COL13A1: variants seen among roughly 807,000 people sequenced by gnomAD.
COL13A1 encodes collagen alpha-1(XIII) chain.
A neutral mutation model predicts 130.9 loss-of-function variants in COL13A1; 89 were observed. The observed-to-expected ratio is 0.68, with a 90% CI of 0.57 to 0.81. The LOEUF (loss-of-function observed/expected upper bound fraction) is 0.81, where lower values mean the gene tolerates loss of function less well. COL13A1 is among the 30% of genes least tolerant of loss of function. The pLI is 0.00. For synonymous variants in COL13A1, 402 were observed against 341.6 expected, an observed-to-expected ratio of 1.18 and a Z score of -1.95; for missense variants, 879 against 934.6, an observed-to-expected ratio of 0.94 and a Z score of 0.78.
At chr10:69,827,370 T>A (rs1282331218) in intron 2 of COL13A1, among the ~76,000 whole-genome samples, 2 of 152,204 alleles carry the variant, frequency 1.3e-5, no homozygotes, top group Non-Finnish European at 2.9e-5. Flanking sequence ...GGGGCTGTGC[T>A]GAGTCAGCTT....
At chr10:69,918,034 G>C (rs991901225) in intron 18 of COL13A1, among the ~76,000 whole-genome samples, 6 of 151,918 alleles carry the variant, frequency 3.9e-5, no homozygotes, top group Non-Finnish European at 8.8e-5. Flanking sequence ...GAGGCCAGGA[G>C]CCATGCAGGT....
chr10:69,829,698 T>C (rs541408098), intron 2 of COL13A1, among the ~76,000 whole-genome samples: 1 of 152,320 alleles, frequency 6.6e-6, no homozygotes, highest in South Asian at 2.1e-4. Flanking sequence ...CCCACAGCCA[T>C]AGCTCTCTAT....
At chr10:69,921,573 T>C (rs2064678383) in intron 21 of COL13A1, among the ~76,000 whole-genome samples, 2 of 152,238 alleles carry the variant, frequency 1.3e-5, no homozygotes, top group Admixed American at 6.5e-5. Context: ...CAGGATGGAC[T>C]AGATGCTTCT....
intron 7 of COL13A1, among the ~76,000 whole-genome samples, chr10:69,884,293 G>A (rs1476583073): frequency 6.6e-6 from 1 of 152,186 alleles, no homozygotes; most frequent in Non-Finnish European, 1.5e-5. Flanking sequence ...TATGGTGGGT[G>A]TATTTATACC....
Position 69,827,908 on chromosome 10 carries a change from GC to G in COL13A1, c.364+5474del, listed in dbSNP as rs145392309. On this transcript the variant is annotated intron_variant, in intron 2 of 40. Transcript: ENST00000645393. ...TGTGCTGCAGCAGCGCAGACCCCGA[GC>G]CCCGCTTCTTTGTGGTCCTTCTTAT... is the stretch of plus-strand genomic sequence containing the variant. Among the ~76,000 whole-genome samples, 872 of 152,188 alleles carry G rather than the reference GC, an allele frequency of 5.7e-3. 5 individuals are homozygous for G. Among genetic ancestry groups the G allele is most frequent in the African/African-American group, 0.02 (838 of 41,512 alleles).
chr10:69,810,745 T>C (rs1842829690), intron 1 of COL13A1, among the ~76,000 whole-genome samples: 1 of 151,832 alleles, frequency 6.6e-6, no homozygotes, highest in South Asian at 2.1e-4. Flanking sequence ...GAGACTAGGG[T>C]GGATGGGGTC....
chr10:69,855,404 C>G (rs1856128270), intron 2 of COL13A1, among the ~76,000 whole-genome samples: 1 of 152,148 alleles, frequency 6.6e-6, no homozygotes, highest in Non-Finnish European at 1.5e-5. Context: ...CATTGAGAGA[C>G]AGGGACAAAA....
chr10:69,902,127 C>G (rs1482455146), intron 14 of COL13A1, among the ~76,000 whole-genome samples: 2 of 152,214 alleles, frequency 1.3e-5, no homozygotes, highest in Non-Finnish European at 2.9e-5. Flanking sequence ...GTGGGCCCAG[C>G]TCAGCCAGGG....
At chr10:69,902,068 G>A (rs943618732) in intron 14 of COL13A1, among the ~76,000 whole-genome samples, 2 of 152,224 alleles carry the variant, frequency 1.3e-5, no homozygotes, top group African/African-American at 4.8e-5. Context: ...AAAGCAGCCA[G>A]AGAACTCAGG....
At chr10:69,928,440 T>C (rs184791713) in intron 27 of COL13A1, among the ~76,000 whole-genome samples, 4 of 152,334 alleles carry the variant, frequency 2.6e-5, no homozygotes, top group African/African-American at 7.2e-5. Flanking sequence ...TAGAGCTTCA[T>C]GTAAATGGAA....
chr10:69,848,370 G>A lies in COL13A1; in HGVS notation c.365-19428G>A, dbSNP rs184100021. ...TTAAGTGCAAGACCCTTACATATGT[G>A]TATATGTCTCCAACAACCTTGCAAA... On this transcript the variant is annotated intron_variant, in intron 2 of 40. Transcript: ENST00000645393. 4.1e-4 allele frequency among the ~76,000 whole-genome samples: 63 copies of A among 152,320 alleles called. 1 individual carries two copies. The East Asian group carries it at 9.8e-3, about 24-fold the overall frequency.
At chr10:69,870,880 G>A (rs998571187) in intron 3 of COL13A1, among the ~76,000 whole-genome samples, 3 of 152,116 alleles carry the variant, frequency 2.0e-5, no homozygotes, top group African/African-American at 7.2e-5. Context: ...TCGGGCTGCA[G>A]TGAGGTAGGA....
chr10:69,949,940 G>GTGTGTGCATGTGTT (rs1418615239), intron 38 of COL13A1, among the ~76,000 whole-genome samples: 2,843 of 143,936 alleles, frequency 0.02, 74 homozygotes, highest in South Asian at 0.044. Context: ...TTGTGTGTGT[G>GTGTGTGCATGTGTT]TGTGTGTGCG....
chr10:69,864,165 G>T (rs1348299442), intron 2 of COL13A1, among the ~76,000 whole-genome samples: 1 of 152,162 alleles, frequency 6.6e-6, no homozygotes, highest in Non-Finnish European at 1.5e-5. Context: ...CCTTAGGCAG[G>T]TTGCTTAACC....
At chr10:69,916,442 C>T (rs1367506561) in intron 17 of COL13A1, among the ~76,000 whole-genome samples, 1 of 152,190 alleles carries the variant, frequency 6.6e-6, no homozygotes, top group Non-Finnish European at 1.5e-5. Flanking sequence ...AGGAGCTGCC[C>T]TCCCCACTCC....
chr10:69,860,730 AT>A, intron 2 of COL13A1: 4 of 274,302 alleles, frequency 1.5e-5, no homozygotes, highest in South Asian at 3.3e-5. Flanking sequence ...TTCTGCGGCC[AT>A]TTTCCTGAGC....
At chr10:69,828,250 CT>C (rs1226732354) in intron 2 of COL13A1, among the ~76,000 whole-genome samples, 1 of 152,104 alleles carries the variant, frequency 6.6e-6, no homozygotes, top group Admixed American at 6.5e-5. Flanking sequence ...GTGCTTTCCC[CT>C]GCGATGTTAG....
chr10:69,882,058 G>A (rs1216727767), intron 7 of COL13A1, among the ~76,000 whole-genome samples: 1 of 152,246 alleles, frequency 6.6e-6, no homozygotes, highest in Non-Finnish European at 1.5e-5. Context: ...CTGTGTCCTG[G>A]AGGAGGTGCA....
At chr10:69,950,106 T>C (rs1028577552) in intron 38 of COL13A1, among the ~76,000 whole-genome samples, 3 of 151,680 alleles carry the variant, frequency 2.0e-5, no homozygotes, top group African/African-American at 7.3e-5. Flanking sequence ...CCAGATATGT[T>C]CATTCCGTTA....
Sources: gnomAD v4.1 joint callset for allele counts (sites outside exome capture counted in the v4.1 genomes callset) on GRCh38, gnomAD v4.1.1 for gene constraint, MANE v1.5 for transcripts, NCBI Gene and HGNC (gene_info 2026-07-23, HGNC 2026-07-21) for gene names.